Variants in CELF1 observed in about 807,000 individuals in gnomAD.
CELF1 encodes the protein CUGBP Elav-like family member 1.
A neutral mutation model predicts 61.8 loss-of-function variants in CELF1; 10 were observed. The observed-to-expected ratio is 0.16, with a 90% CI of 0.10 to 0.27. The LOEUF (loss-of-function observed/expected upper bound fraction) is 0.27, where lower values mean the gene tolerates loss of function less well. Among genes scored for constraint, CELF1 ranks in the 10% least tolerant of loss-of-function variants. The pLI, the probability that CELF1 is intolerant of heterozygous loss-of-function variation, is 1.00. For missense variants in CELF1, 380 were observed against 639.1 expected, an observed-to-expected ratio of 0.59 and a Z score of 4.37; for synonymous variants, 236 against 225.1, an observed-to-expected ratio of 1.05 and a Z score of -0.43.
intron 1 of CELF1, among the ~76,000 whole-genome samples, chr11:47,552,351 G>A (rs1053116193): frequency 4.6e-5 from 7 of 152,230 alleles, no homozygotes; most frequent in African/African-American, 1.2e-4. Flanking sequence ...ATCAAAGCCT[G>A]GTCCCTAGCG....
chr11:47,559,290 C>T (rs760547635), intron 2 of CELF1, among the ~76,000 whole-genome samples: 3 of 150,904 alleles, frequency 2.0e-5, no homozygotes, highest in Non-Finnish European at 4.4e-5. Context: ...TGGTTTCCAT[C>T]TCCAGATCTT....
chr11:47,502,511 T>G (rs1217998680), intron 1 of CELF1, among the ~76,000 whole-genome samples: 1 of 151,982 alleles, frequency 6.6e-6, no homozygotes, highest in Non-Finnish European at 1.5e-5. Context: ...CGTGTGTGCG[T>G]GTGTGTGTAT....
At position 47,472,142 on chromosome 11, in the gene CELF1, A is replaced by C; in HGVS notation, c.*88T>G. ...GGGATCAGGGTCCAGGGCTGTCAAC[A>C]CACAGCCTCAGGGCTTCGAATCATT... is the stretch of plus-strand genomic sequence containing the variant. On this transcript the variant is annotated 3_prime_UTR_variant, in exon 15 of 15. Coordinates refer to ENST00000687097, the MANE Select transcript of CELF1 (RefSeq NM_001376376.1). 2 of 1,502,508 alleles carry C rather than the reference A, an allele frequency of 1.3e-6. No individual in the cohort carries two copies. Among genetic ancestry groups the C allele is most frequent in the South Asian group, 2.4e-5 (2 of 83,568 alleles). The allele number at this position is 1,502,508 out of a possible 1,614,324, so 93.1% of individuals were successfully genotyped here.
intron 1 of CELF1, among the ~76,000 whole-genome samples, chr11:47,508,697 C>CAT (rs779431426): frequency 1.4e-5 from 2 of 147,296 alleles, no homozygotes; most frequent in Non-Finnish European, 3.0e-5. Context: ...CACACACACA[C>CAT]ATAAATAAAC....
Position 47,509,410 on chromosome 11 carries a change from T to C in CELF1, c.-153-8478A>G, listed in dbSNP as rs1168278539. ...GGAGTAAAAAAGCTAAGAGGGGGGCTGGGTGTGACGGTATACACCTGTAGT... is the reference window on the plus strand; with the variant it reads ...GGAGTAAAAAAGCTAAGAGGGGGGCCGGGTGTGACGGTATACACCTGTAGT... On this transcript the variant is annotated intron_variant, in intron 1 of 14. Transcript: ENST00000687097. Among the ~76,000 whole-genome samples the C allele has an allele frequency of 2.0e-5, 3 of 152,224 alleles. No individual in the cohort carries two copies. In the East Asian group the frequency reaches 5.8e-4, roughly 29 times the overall value.
chr11:47,469,042 T>G lies in CELF1; in HGVS notation c.*3188A>C, dbSNP rs1399655292. On this transcript the variant is annotated 3_prime_UTR_variant, in exon 15 of 15. Transcript: ENST00000687097. ...AGGGGTTGGGTAATGACAGGGAACT[T>G]TTGCACATGCTAACAATGGACACAG... 1.3e-5 allele frequency: 2 copies of G among 152,080 alleles called. No homozygotes were observed. Among genetic ancestry groups the G allele is most frequent in the African/African-American group, 4.8e-5 (2 of 41,352 alleles). 9.4% of individuals were successfully genotyped at this position (152,080 alleles called of 1,614,324 possible).
At position 47,499,474 on chromosome 11, in the gene CELF1, C is replaced by T. The variant is rs967783166; in HGVS notation, c.50G>A (p.Cys17Tyr). Reference protein sequence around the residue: ...DFLPEMMVDHCSLNSSPVSKK... With the variant: ...DFLPEMMVDHYSLNSSPVSKK... The stretch of plus-strand genomic sequence containing the variant: ...TTACACGGGACTGGAATTCAAAGAG[C>T]AATGATCCACCATCATTTCTGGAAG... Residue 17 changes from cysteine (C) to tyrosine (Y), a missense_variant, in exon 3 of 15, where the codon TGC becomes TAC. Cys to Tyr is a radical substitution (Grantham distance 194). Coordinates refer to ENST00000687097, the MANE Select transcript of CELF1 (RefSeq NM_001376376.1). 2.6e-6 allele frequency: 4 copies of T among 1,535,808 alleles called. No individual in the cohort carries two copies. Among genetic ancestry groups the T allele is most frequent in the Non-Finnish European group, 2.6e-6 (3 of 1,146,646 alleles).
intron 3 of CELF1, among the ~76,000 whole-genome samples, chr11:47,497,999 CT>C (rs2093415383): frequency 6.6e-6 from 1 of 152,178 alleles, no homozygotes; most frequent in African/African-American, 2.4e-5. Flanking sequence ...TGGAAATATC[CT>C]TATTATGTAT....
intron 1 of CELF1, among the ~76,000 whole-genome samples, chr11:47,512,004 A>G (rs1015503954): frequency 6.6e-6 from 1 of 152,034 alleles, no homozygotes; most frequent in African/African-American, 2.4e-5. Context: ...ACAAGCCATC[A>G]TGCCCAGCTA....
At chr11:47,497,605 G>A (rs2093350265) in intron 3 of CELF1, among the ~76,000 whole-genome samples, 2 of 152,232 alleles carry the variant, frequency 1.3e-5, no homozygotes, top group South Asian at 2.1e-4. Flanking sequence ...GACTAAAACA[G>A]ATGCAAACGT....
intron 2 of CELF1, among the ~76,000 whole-genome samples, chr11:47,500,507 C>T (rs534062126): frequency 6.6e-6 from 1 of 152,258 alleles, no homozygotes; most frequent in South Asian, 2.1e-4. Flanking sequence ...GAACAAAAGC[C>T]ACTTTAGTGA....
chr11:47,504,131 AGCCACT>A (rs1169033421), intron 1 of CELF1, among the ~76,000 whole-genome samples: 1 of 152,060 alleles, frequency 6.6e-6, no homozygotes, highest in Non-Finnish European at 1.5e-5. Flanking sequence ...ACCAAGATTG[AGCCACT>A]GCACTCTAGC....
chr11:47,540,535 C>G (rs1424395852), intron 1 of CELF1, among the ~76,000 whole-genome samples: 1 of 152,206 alleles, frequency 6.6e-6, no homozygotes, highest in Non-Finnish European at 1.5e-5. Flanking sequence ...CATCACCACC[C>G]TGACTTCCTT....
At chr11:47,544,242 T>C (rs569570189) in intron 1 of CELF1, among the ~76,000 whole-genome samples, 1 of 152,328 alleles carries the variant, frequency 6.6e-6, no homozygotes, top group East Asian at 1.9e-4. Context: ...ACCTGTGTTA[T>C]TTATTTCATT....
chr11:47,466,701 C>T lies in CELF1; in HGVS notation c.*5529G>A, dbSNP rs763058410. On this transcript the variant is annotated 3_prime_UTR_variant, in exon 15 of 15. Transcript: ENST00000687097. ...GAGAGAGAAAAGGAAAAGGAAACAA[C>T]GTCCAACATTTGGCATTTGGTTTTA... is the stretch of plus-strand genomic sequence containing the variant. 2.6e-5 allele frequency: 4 copies of T among 152,172 alleles called. No homozygotes were observed. In the East Asian group the frequency reaches 5.8e-4, roughly 22 times the overall value. 9.4% of individuals were successfully genotyped at this position (152,172 alleles called of 1,614,324 possible). A position where few individuals can be genotyped will look rare whatever the true frequency, so the allele number is the denominator to read the frequency against.
At chr11:47,537,814 G>GT (rs1226945181) in intron 1 of CELF1, among the ~76,000 whole-genome samples, 1 of 152,040 alleles carries the variant, frequency 6.6e-6, no homozygotes, top group Non-Finnish European at 1.5e-5. Flanking sequence ...CAGTACTTAT[G>GT]TAACACTATA....
intron 9 of CELF1, among the ~76,000 whole-genome samples, chr11:47,481,745 G>A (rs2083387402): frequency 6.6e-6 from 1 of 152,104 alleles, no homozygotes; most frequent in Non-Finnish European, 1.5e-5. Context: ...ATACACTGCA[G>A]ACCTAGTAAA....
intron 1 of CELF1, among the ~76,000 whole-genome samples, chr11:47,533,807 CCCAAAAAAA>C (rs2096554234): frequency 1.5e-5 from 1 of 67,632 alleles, no homozygotes; most frequent in African/African-American, 5.3e-5. Flanking sequence ...GAGACTCTCC[CCCAAAAAAA>C]AAAAAAAAAA....
chr11:47,478,798 T>C, intron 10 of CELF1, 79 bp downstream of exon 10: 1 of 1,174,788 alleles, frequency 8.5e-7, no homozygotes. Context: ...ACAGAAACGA[T>C]GCCAAACTCC....
Sources: gnomAD v4.1 joint callset for allele counts (sites outside exome capture counted in the v4.1 genomes callset) on GRCh38, gnomAD v4.1.1 for gene constraint, MANE v1.5 for transcripts, NCBI Gene and HGNC (gene_info 2026-07-23, HGNC 2026-07-21) for gene names.